SLC35A5: variants seen among roughly 807,000 people sequenced by gnomAD.
SLC35A5 encodes solute carrier family 35 member A5.
A neutral mutation model predicts 36.3 loss-of-function variants in SLC35A5; 28 were observed. The ratio of observed to expected loss-of-function variants is 0.77; its 90% CI spans 0.57 to 1.06. The LOEUF (loss-of-function observed/expected upper bound fraction) is 1.06, where lower values mean the gene tolerates loss of function less well. Among genes scored for constraint, SLC35A5 ranks in the 50% least tolerant of loss-of-function variants. The probability of loss-of-function intolerance (pLI) is 0.00; values close to 1 mark genes in which losing one functional copy is unlikely to be tolerated. For missense variants in SLC35A5, 521 were observed against 499.3 expected (o/e 1.04, Z -0.41); for synonymous variants, 180 against 173.7 (o/e 1.04, Z -0.29).
At chr3:112,576,056 G>T (rs1426436354) in intron 5 of SLC35A5, among the ~76,000 whole-genome samples, 1 of 151,466 alleles carries the variant, frequency 6.6e-6, no homozygotes, top group Non-Finnish European at 1.5e-5. Flanking sequence ...CACTACGCCT[G>T]GCCTTATTAC....
intron 4 of SLC35A5, 116 bp downstream of exon 4, chr3:112,570,786 C>A: frequency 1.0e-6 from 1 of 984,452 alleles, no homozygotes; most frequent in Non-Finnish European, 1.4e-6. Flanking sequence ...TCCTCACTGG[C>A]CTTCCTGAGA....
intron 3 of SLC35A5, among the ~76,000 whole-genome samples, chr3:112,570,161 C>A (rs939395357): frequency 6.6e-6 from 1 of 151,750 alleles, no homozygotes; most frequent in African/African-American, 2.4e-5. Context: ...TTTAGTATCC[C>A]CCTTTCCTGA....
Position 112,583,324 on chromosome 3 carries a change from CACA to C in SLC35A5, c.*592_*594del. On this transcript the variant is annotated 3_prime_UTR_variant, in exon 7 of 7. Transcript: ENST00000492406. ...TTTGCTGAAGAAGCAGTTTCTCAGA[CACA>C]ACATCTCAGAATTTTAATTTTTAGA... The C allele has an allele frequency of 2.5e-6, 1 of 392,618 alleles. No homozygotes were observed. The highest frequency in any genetic ancestry group is 3.6e-5 in the East Asian group (1 of 27,864). 24.3% of individuals were successfully genotyped at this position (392,618 alleles called of 1,614,324 possible). A position where few individuals can be genotyped will look rare whatever the true frequency, so the allele number is the denominator to read the frequency against.
chr3:112,568,698 A>C (rs1934305066), intron 2 of SLC35A5, among the ~76,000 whole-genome samples: 1 of 152,238 alleles, frequency 6.6e-6, no homozygotes, highest in Non-Finnish European at 1.5e-5. Context: ...CCGTGATATA[A>C]AACAGATTGG....
At position 112,569,183 on chromosome 3, in the gene SLC35A5, A is replaced by T; in HGVS notation, c.143A>T (p.Asp48Val). The T allele has an allele frequency of 6.2e-7, 1 of 1,612,958 alleles. No individual in the cohort carries two copies. Among genetic ancestry groups the T allele is most frequent in the Non-Finnish European group, 8.5e-7 (1 of 1,179,434 alleles). The change falls in exon 3 of 7, where the codon GAT (aspartate) becomes GTT (valine). Residue 48 changes from aspartate to valine, a missense_variant. Asp to Val is a radical substitution (Grantham distance 152). Transcript: ENST00000492406. The part of the protein sequence containing the change: ...KYSANEENKY[D>V]YLPTTVNVCS... The stretch of plus-strand genomic sequence containing the variant: ...TGTTACATTTCAGAAAACAAGTATG[A>T]TTATCTTCCAACTACTGTGAATGTG...
At position 112,580,609 on chromosome 3, in the gene SLC35A5, G is replaced by T. The variant is rs1292528725; in HGVS notation, c.492G>T (p.Leu164Phe). ...LLTLFLSIVA[L>F]TAGTKTLQHN... ...CTTTATTTTTGTCTATTGTGGCCTT[G>T]ACTGCCGGGACTAAAACTTTACAGC... Residue 164 changes from leucine (L) to phenylalanine (F), a missense_variant, in exon 6 of 7, where the codon TTG becomes TTT. Physicochemically the swap from Leu to Phe is conservative, Grantham distance 22 (BLOSUM62 0). Coordinates refer to ENST00000492406, the MANE Select transcript of SLC35A5 (RefSeq NM_017945.5). 1 of 1,614,050 alleles carries T rather than the reference G, an allele frequency of 6.2e-7. No homozygotes were observed. The highest frequency in any genetic ancestry group is 8.5e-7 in the Non-Finnish European group (1 of 1,179,950).
intron 4 of SLC35A5, 125 bp from the exon 5 acceptor site, chr3:112,573,764 C>A: frequency 1.4e-6 from 1 of 695,408 alleles, no homozygotes. Context: ...GTTGAAATTG[C>A]TACCTTAATA....
chr3:112,573,906 CTCAAATTTTAGCAT>C lies in SLC35A5; in HGVS notation c.380_393del (p.Ser127TyrfsTer38), dbSNP rs778933796. The C allele has an allele frequency of 6.2e-7, 1 of 1,613,368 alleles. No individual in the cohort carries two copies. Among genetic ancestry groups the C allele is most frequent in the Non-Finnish European group, 8.5e-7 (1 of 1,179,378 alleles). On this transcript the variant is annotated frameshift_variant, in exon 5 of 7. Coordinates refer to ENST00000492406, the MANE Select transcript of SLC35A5 (RefSeq NM_017945.5). LOFTEE classifies it high-confidence loss of function. ...CTTTCTAGGCCATGGCTGTTATCTT[CTCAAATTTTAGCAT>C]TATAACAACAGCTCTTCTATTCAGG...
rs751164694 is a variant in SLC35A5, at chr3:112,563,467, C to T, written c.64C>T (p.Leu22=). 5.0e-6 allele frequency: 8 copies of T among 1,608,328 alleles called. No individual in the cohort carries two copies. In the Admixed American group the frequency reaches 1.3e-4, roughly 27 times the overall value. Residue 22 remains leucine, a synonymous_variant, in exon 2 of 7, where the codon CTA becomes TTA. Coordinates refer to ENST00000492406, the MANE Select transcript of SLC35A5 (RefSeq NM_017945.5). ...CSLSTMYTFL[L]GAIFIALSSS... The stretch of plus-strand genomic sequence containing the variant: ...CTTGTCAACAATGTATACATTCCTG[C>T]TAGGTGCCATATTCATTGCTTTAAG...
chr3:112,562,475 G>T (rs1933964743), intron 1 of SLC35A5, among the ~76,000 whole-genome samples: 1 of 152,222 alleles, frequency 6.6e-6, no homozygotes, highest in South Asian at 2.1e-4. Context: ...CTCCCCGCAG[G>T]CTCTATGCGC....
chr3:112,563,242 T>G (rs1311798425), intron 1 of SLC35A5, 143 bp from the exon 2 acceptor site: 1 of 514,080 alleles, frequency 1.9e-6, no homozygotes, highest in Admixed American at 4.2e-5. Context: ...TTTGTCATAG[T>G]TTCTTTATGC....
chr3:112,562,949 A>G (rs981493695), intron 1 of SLC35A5, among the ~76,000 whole-genome samples: 5 of 152,208 alleles, frequency 3.3e-5, no homozygotes, highest in Non-Finnish European at 4.4e-5. Flanking sequence ...AGTCCCAGCT[A>G]TTCTGGAGGC....
chr3:112,580,737 C>T lies in SLC35A5; in HGVS notation c.620C>T (p.Ala207Val), dbSNP rs148623174. ...TGTCCCAGAAAAGACAATTGTACAG[C>T]AAAGGAATGGACTTTTCCTGAAGCT... ...SECPRKDNCTAKEWTFPEAKW... is the reference protein window; with the variant it reads ...SECPRKDNCTVKEWTFPEAKW... Residue 207 changes from alanine to valine, a missense_variant, in exon 6 of 7, where the codon GCA (alanine) becomes GTA (valine). Physicochemically the swap from Ala to Val is moderately conservative, Grantham distance 64. Coordinates refer to ENST00000492406, the MANE Select transcript of SLC35A5 (RefSeq NM_017945.5). 94 of 1,614,178 alleles carry T rather than the reference C, an allele frequency of 5.8e-5. 3 individuals carry two copies. In the Middle Eastern group the frequency reaches 4.0e-3, roughly 68 times the overall value.
intron 3 of SLC35A5, among the ~76,000 whole-genome samples, chr3:112,569,722 A>C (rs1414043476): frequency 6.6e-6 from 1 of 152,230 alleles, no homozygotes; most frequent in Non-Finnish European, 1.5e-5. Context: ...GAGCTATCAC[A>C]TAGGGATACT....
intron 1 of SLC35A5, among the ~76,000 whole-genome samples, chr3:112,562,975 G>T (rs770485881): frequency 3.9e-5 from 6 of 152,222 alleles, no homozygotes; most frequent in Middle Eastern, 3.2e-3. Flanking sequence ...CAGGAGAATC[G>T]CTTGAGTCCG....
At chr3:112,578,153 C>G (rs1934749792) in intron 5 of SLC35A5, among the ~76,000 whole-genome samples, 1 of 152,038 alleles carries the variant, frequency 6.6e-6, no homozygotes, top group African/African-American at 2.4e-5. Context: ...CTAAAGCCCC[C>G]CCTTTGAGTA....
At chr3:112,561,728 TGCGCGATCCTCGCACCCCAGGCA>T (rs1933896509), upstream of SLC35A5, 1 of 578,808 alleles carries the variant, frequency 1.7e-6, no homozygotes, top group Admixed American at 3.5e-5. Context: ...GAAGACGGGG[TGCGCGATCCTCGCACCCCAGGCA>T]GCCCGCGACG....
At chr3:112,566,454 TAA>T (rs892307325) in intron 2 of SLC35A5, among the ~76,000 whole-genome samples, 3 of 152,154 alleles carry the variant, frequency 2.0e-5, no homozygotes, top group African/African-American at 7.2e-5. Context: ...AATTGATATT[TAA>T]AACTTAAGGA....
chr3:112,578,305 G>A lies in SLC35A5; in HGVS notation c.429-2241G>A, dbSNP rs141463645. Among the ~76,000 whole-genome samples, 328 of 152,232 alleles carry A rather than the reference G, an allele frequency of 2.2e-3. 3 individuals carry two copies. The highest frequency in any genetic ancestry group is 7.5e-3 in the African/African-American group (310 of 41,526). On this transcript the variant is annotated intron_variant, in intron 5 of 6. Transcript: ENST00000492406. ...AACAGCTTCTTGTCTTTTACTCATA[G>A]TTTATCATTTATGTAATCTTTATGT...
Sources: gnomAD v4.1 joint callset for allele counts (sites outside exome capture counted in the v4.1 genomes callset) on GRCh38, gnomAD v4.1.1 for gene constraint, MANE v1.5 for transcripts, NCBI Gene and HGNC (gene_info 2026-07-23, HGNC 2026-07-21) for gene names.